ERBB4: variants seen among roughly 807,000 people sequenced by gnomAD.
ERBB4 encodes receptor tyrosine-protein kinase erbB-4.
A neutral mutation model predicts 158.0 loss-of-function variants in ERBB4; 42 were observed. The observed-to-expected ratio is 0.27, with a 90% confidence interval of 0.21 to 0.34. ERBB4 has a LOEUF of 0.34. Ranked by LOEUF, ERBB4 falls within the 10% of genes least tolerant of loss-of-function variation. The pLI, the probability that ERBB4 is intolerant of heterozygous loss-of-function variation, is 1.00. For missense variants in ERBB4, 1,333 were observed against 1,624.1 expected (o/e 0.82, Z 3.08); for synonymous variants, 583 against 558.7 (o/e 1.04, Z -0.61).
At chr2:212,023,064 C>A (rs181264046) in intron 2 of ERBB4, among the ~76,000 whole-genome samples, 2 of 152,060 alleles carry the variant, frequency 1.3e-5, no homozygotes, top group African/African-American at 4.8e-5. Context: ...GGAAATTTCA[C>A]TAGAAAGATC....
chr2:212,050,081 A>G (rs547640398), intron 2 of ERBB4, among the ~76,000 whole-genome samples: 1 of 152,288 alleles, frequency 6.6e-6, no homozygotes, highest in East Asian at 1.9e-4. Flanking sequence ...AATCTTGACA[A>G]AAGATTACTG....
chr2:212,360,306 C>A (rs1231986348), intron 1 of ERBB4, among the ~76,000 whole-genome samples: 1 of 151,544 alleles, frequency 6.6e-6, no homozygotes, highest in East Asian at 1.9e-4. Context: ...GTGTGCAAGC[C>A]AAAGAAAAGT....
intron 19 of ERBB4, among the ~76,000 whole-genome samples, chr2:211,566,930 C>T (rs969369310): frequency 2.6e-5 from 4 of 152,114 alleles, no homozygotes; most frequent in African/African-American, 4.8e-5. Context: ...AGAAGAAGAT[C>T]TTAGGAGTCT....
chr2:211,985,172 G>A (rs1210711532), intron 2 of ERBB4, among the ~76,000 whole-genome samples: 2 of 152,106 alleles, frequency 1.3e-5, no homozygotes, highest in Non-Finnish European at 2.9e-5. Context: ...TATTTAAGAT[G>A]TTAATCCAGA....
At chr2:212,052,200 C>A (rs552367650) in intron 2 of ERBB4, among the ~76,000 whole-genome samples, 86 of 152,296 alleles carry the variant, frequency 5.6e-4, no homozygotes, top group Middle Eastern at 3.4e-3. Flanking sequence ...ATCCTTCTCC[C>A]ATGCTGGTTG....
intron 2 of ERBB4, among the ~76,000 whole-genome samples, chr2:212,040,412 GAAC>G (rs1412480783): frequency 6.6e-6 from 1 of 151,856 alleles, no homozygotes; most frequent in African/African-American, 2.4e-5. Flanking sequence ...AAGCTGATAT[GAAC>G]AATAAGAACA....
intron 1 of ERBB4, among the ~76,000 whole-genome samples, chr2:212,171,685 T>A (rs929777781): frequency 3.3e-5 from 5 of 152,040 alleles, no homozygotes; most frequent in African/African-American, 1.2e-4. Context: ...TTTATAAGGG[T>A]TTGATGGTTA....
rs535453483 is a variant in ERBB4, at chr2:212,454,369, T to C, written c.82+84080A>G. 1.1e-4 allele frequency among the ~76,000 whole-genome samples: 16 copies of C among 152,324 alleles called. No homozygotes were observed. In the South Asian group the frequency reaches 2.5e-3, roughly 24 times the overall value. On this transcript the variant is annotated intron_variant, in intron 1 of 27. Transcript: ENST00000342788. ...ACACAACCCAAAACATGCTGTCATA[T>C]TGAAAGACTCAATGAATGCTTAGCA...
At chr2:211,977,531 TAAAA>T (rs370595284) in intron 2 of ERBB4, among the ~76,000 whole-genome samples, 5 of 67,594 alleles carry the variant, frequency 7.4e-5, no homozygotes, top group Admixed American at 2.7e-4. Context: ...ATATTGACTT[TAAAA>T]AAAAAAAAAA....
At chr2:212,493,684 TTC>T (rs1265418313) in intron 1 of ERBB4, among the ~76,000 whole-genome samples, 2 of 151,770 alleles carry the variant, frequency 1.3e-5, no homozygotes, top group African/African-American at 4.8e-5. Flanking sequence ...ACACAATTCC[TTC>T]TGTCTTGACA....
intron 20 of ERBB4, among the ~76,000 whole-genome samples, chr2:211,523,486 G>A (rs954432969): frequency 2.0e-5 from 3 of 151,504 alleles, no homozygotes; most frequent in Non-Finnish European, 2.9e-5. Context: ...AAGGTGGCAC[G>A]TCTGGAGTTT....
intron 2 of ERBB4, among the ~76,000 whole-genome samples, chr2:212,059,672 G>A (rs1183205314): frequency 6.6e-6 from 1 of 152,150 alleles, no homozygotes; most frequent in Non-Finnish European, 1.5e-5. Context: ...TGACAAACCT[G>A]ACAAAAACAA....
intron 2 of ERBB4, among the ~76,000 whole-genome samples, chr2:212,120,003 C>CT: frequency 6.6e-6 from 1 of 152,160 alleles, no homozygotes; most frequent in Non-Finnish European, 1.5e-5. Context: ...CAATCTTTTT[C>CT]TAGTTTAAGG....
At chr2:211,810,980 C>CT (rs781494753) in intron 3 of ERBB4, among the ~76,000 whole-genome samples, 147 of 152,258 alleles carry the variant, frequency 9.7e-4, no homozygotes, top group Non-Finnish European at 1.9e-3. Context: ...GGCCCAGTCT[C>CT]TGTCTTTTAA....
chr2:211,418,547 A>G (rs1005754609), intron 25 of ERBB4, among the ~76,000 whole-genome samples: 1 of 152,182 alleles, frequency 6.6e-6, no homozygotes, highest in Admixed American at 6.5e-5. Context: ...CAATAATTCC[A>G]TCTAGCTAGC....
At chr2:212,121,553 A>G (rs1368576345) in intron 2 of ERBB4, among the ~76,000 whole-genome samples, 1 of 152,106 alleles carries the variant, frequency 6.6e-6, no homozygotes, top group Non-Finnish European at 1.5e-5. Flanking sequence ...TACTCTTTTT[A>G]ATCTCCATTG....
At chr2:212,226,086 G>T (rs2083458053) in intron 1 of ERBB4, among the ~76,000 whole-genome samples, 1 of 152,150 alleles carries the variant, frequency 6.6e-6, no homozygotes, top group Non-Finnish European at 1.5e-5. Flanking sequence ...CGGCAAAGAT[G>T]CTCTTCTGTT....
rs183287020 is a variant in ERBB4 at position 212,117,517 on chromosome 2, T to C, written c.234+7235A>G. 7.8e-4 allele frequency among the ~76,000 whole-genome samples: 119 copies of C among 152,322 alleles called. No homozygotes were observed. The Middle Eastern group carries it at 0.01, about 13-fold the overall frequency. ...ATACTTACAGATTACAAATGCTTGA[T>C]ACAGAATTCTCATTTACTTGTTCAC... On this transcript the variant is annotated intron_variant, in intron 2 of 27. Coordinates refer to ENST00000342788, the MANE Select transcript of ERBB4 (RefSeq NM_005235.3).
chr2:211,636,868 A>G (rs530011962), intron 16 of ERBB4, among the ~76,000 whole-genome samples: 1 of 152,030 alleles, frequency 6.6e-6, no homozygotes, highest in East Asian at 1.9e-4. Context: ...TGCATTGCTA[A>G]TGACACTCTG....
Sources: allele counts gnomAD v4.1 joint callset (sites outside exome capture counted in the v4.1 genomes callset), GRCh38; gene constraint gnomAD v4.1.1; transcripts MANE v1.5; gene names NCBI Gene and HGNC (gene_info 2026-07-23, HGNC 2026-07-21).